SUPT3H: variants seen among roughly 807,000 people sequenced by gnomAD.
The protein encoded by SUPT3H is transcription initiation protein SPT3 homolog.
In SUPT3H, 44 loss-of-function variants were observed where a neutral mutation model predicts 44.3. The observed-to-expected ratio is 0.99, with a 90% CI of 0.78 to 1.28. The LOEUF (loss-of-function observed/expected upper bound fraction) is 1.28, where lower values mean the gene tolerates loss of function less well. Ranked by LOEUF, SUPT3H falls within the 50% of genes most tolerant of loss-of-function variation. The probability of loss-of-function intolerance (pLI) is 0.00; values close to 1 mark genes in which losing one functional copy is unlikely to be tolerated. For synonymous variants in SUPT3H, 124 were observed against 125.6 expected (o/e 0.99, Z 0.09); for missense variants, 380 against 387.1 (o/e 0.98, Z 0.15).
chr6:44,859,571 T>C (rs964279743), intron 10 of SUPT3H, among the ~76,000 whole-genome samples: 1 of 152,154 alleles, frequency 6.6e-6, no homozygotes, highest in African/African-American at 2.4e-5. Flanking sequence ...TATTGCTTAA[T>C]AGAACCATAG....
chr6:44,897,362 C>T (rs1764265937), intron 10 of SUPT3H, among the ~76,000 whole-genome samples: 1 of 152,164 alleles, frequency 6.6e-6, no homozygotes, highest in South Asian at 2.1e-4. Flanking sequence ...GAAAAATATT[C>T]ACTTAAAATA....
At chr6:45,307,307 G>A (rs949621928) in intron 2 of SUPT3H, among the ~76,000 whole-genome samples, 1 of 152,206 alleles carries the variant, frequency 6.6e-6, no homozygotes, top group Non-Finnish European at 1.5e-5. Context: ...TCTGAGAACA[G>A]ACAGACTGCC....
chr6:45,242,820 C>A lies in SUPT3H; in HGVS notation c.101+122381G>T, dbSNP rs138204512. Among the ~76,000 whole-genome samples, 5 of 152,136 alleles carry A rather than the reference C, an allele frequency of 3.3e-5. No individual in the cohort carries two copies. In the East Asian group the frequency reaches 9.7e-4, roughly 29 times the overall value. ...CATGCACAAAAGCAGGAAAATAAGGCCCATAAACAGAAGAAAAGTCAATAG... is the reference window on the plus strand; with the variant it reads ...CATGCACAAAAGCAGGAAAATAAGGACCATAAACAGAAGAAAAGTCAATAG... On this transcript the variant is annotated intron_variant, in intron 2 of 10. Transcript: ENST00000371459.
At chr6:45,065,233 G>C (rs1180107819) in intron 3 of SUPT3H, among the ~76,000 whole-genome samples, 1 of 149,436 alleles carries the variant, frequency 6.7e-6, no homozygotes, top group East Asian at 2.0e-4. Flanking sequence ...CGAAATGAAG[G>C]CAGAAATAAA....
In SUPT3H at chr6:45,100,760, T is replaced by C. The variant is rs568784724; in HGVS notation, c.186+5162A>G. ...AAGGGAATGTCTTACACACTTTTGATTGAAATGTAAATTAGTATAACCATT... is the reference window on the plus strand; with the variant it reads ...AAGGGAATGTCTTACACACTTTTGACTGAAATGTAAATTAGTATAACCATT... On this transcript the variant is annotated intron_variant, in intron 3 of 10. Coordinates refer to ENST00000371459, the MANE Select transcript of SUPT3H (RefSeq NM_003599.4). 5.3e-5 allele frequency among the ~76,000 whole-genome samples: 8 copies of C among 152,178 alleles called. No individual in the cohort carries two copies. The East Asian group carries it at 7.7e-4, about 15-fold the overall frequency.
At chr6:45,261,942 C>G (rs931333853) in intron 2 of SUPT3H, among the ~76,000 whole-genome samples, 1 of 151,974 alleles carries the variant, frequency 6.6e-6, no homozygotes, top group Non-Finnish European at 1.5e-5. Flanking sequence ...AATGCCCAAG[C>G]TGAAAGCCAA....
chr6:44,884,672 T>G (rs1404786618), intron 10 of SUPT3H, among the ~76,000 whole-genome samples: 1 of 152,092 alleles, frequency 6.6e-6, no homozygotes, highest in East Asian at 1.9e-4. Context: ...GGTCTACAGC[T>G]CCCAGCATGA....
intron 2 of SUPT3H, chr6:45,328,777 C>T: frequency 6.2e-7 from 1 of 1,611,972 alleles, no homozygotes; most frequent in Non-Finnish European, 8.5e-7. Context: ...AGCAAAACTT[C>T]TTTTGGGGTA....
chr6:44,957,984 G>T (rs890402339), intron 7 of SUPT3H, among the ~76,000 whole-genome samples: 2 of 152,132 alleles, frequency 1.3e-5, no homozygotes, highest in African/African-American at 4.8e-5. Context: ...TCCAGCAAAA[G>T]AGGCACAGAT....
At chr6:45,353,919 A>C (rs1265785480) in intron 2 of SUPT3H, among the ~76,000 whole-genome samples, 2 of 152,148 alleles carry the variant, frequency 1.3e-5, no homozygotes, top group African/African-American at 4.8e-5. Context: ...ATAGGAAAAA[A>C]AAATACAGTA....
At chr6:45,193,845 T>C (rs138869420) in intron 2 of SUPT3H, among the ~76,000 whole-genome samples, 77 of 152,308 alleles carry the variant, frequency 5.1e-4, no homozygotes, top group African/African-American at 1.8e-3. Context: ...ATTCTTAGAG[T>C]GAGCCCTCAT....
chr6:45,057,879 C>A (rs1275061928), intron 3 of SUPT3H, among the ~76,000 whole-genome samples: 1 of 152,044 alleles, frequency 6.6e-6, no homozygotes, highest in African/African-American at 2.4e-5. Context: ...AAAGAAAAAT[C>A]TAGGACAAAG....
intron 6 of SUPT3H, among the ~76,000 whole-genome samples, chr6:44,974,348 G>A (rs992105153): frequency 5.3e-5 from 8 of 151,910 alleles, no homozygotes; most frequent in African/African-American, 1.9e-4. Context: ...TAATTTAAGA[G>A]ATACCTTATG....
At chr6:44,860,057 C>G (rs1327494297) in intron 10 of SUPT3H, among the ~76,000 whole-genome samples, 1 of 152,194 alleles carries the variant, frequency 6.6e-6, no homozygotes, top group African/African-American at 2.4e-5. Flanking sequence ...ATGACTCCCA[C>G]TGAGATAAGC....
At chr6:45,045,639 T>C (rs546928401) in intron 3 of SUPT3H, among the ~76,000 whole-genome samples, 1 of 152,332 alleles carries the variant, frequency 6.6e-6, no homozygotes, top group Admixed American at 6.5e-5. Context: ...TATCCTTTTT[T>C]CTTTCTCTTG....
rs1583198320 is a variant in SUPT3H at position 45,038,503 on chromosome 6, A to G, written c.187-17871T>C. On this transcript the variant is annotated intron_variant, in intron 3 of 10. Coordinates refer to ENST00000371459, the MANE Select transcript of SUPT3H (RefSeq NM_003599.4). ...CATTTGTCATAATAATCAGAAATGAATGATTTCCACTTCATCGTACCTAGA... is the reference window on the plus strand; with the variant it reads ...CATTTGTCATAATAATCAGAAATGAGTGATTTCCACTTCATCGTACCTAGA... Among the ~76,000 whole-genome samples, 5 of 152,308 alleles carry G rather than the reference A, an allele frequency of 3.3e-5. No homozygotes were observed. In the East Asian group the frequency reaches 9.7e-4, roughly 29 times the overall value.
intron 2 of SUPT3H, among the ~76,000 whole-genome samples, chr6:45,320,639 T>G (rs1584900390): frequency 6.6e-6 from 1 of 152,256 alleles, no homozygotes; most frequent in South Asian, 2.1e-4. Context: ...ATTTGTTTAC[T>G]TATCATCTGC....
intron 3 of SUPT3H, among the ~76,000 whole-genome samples, chr6:45,092,619 A>C (rs1317631564): frequency 2.0e-5 from 3 of 151,856 alleles, no homozygotes; most frequent in Non-Finnish European, 4.4e-5. Flanking sequence ...GCGTGGTGGC[A>C]GGCACCTGTA....
At chr6:44,895,069 T>C (rs748861600) in intron 10 of SUPT3H, among the ~76,000 whole-genome samples, 1 of 151,952 alleles carries the variant, frequency 6.6e-6, no homozygotes, top group Non-Finnish European at 1.5e-5. Context: ...TACTTAAACA[T>C]TTTCTTTAAC....
Sources: allele counts gnomAD v4.1 joint callset (sites outside exome capture counted in the v4.1 genomes callset), GRCh38; gene constraint gnomAD v4.1.1; transcripts MANE v1.5; gene names NCBI Gene and HGNC (gene_info 2026-07-23, HGNC 2026-07-21).